UGT2B7: variants seen among roughly 807,000 people sequenced by gnomAD.
UGT2B7 encodes UDP glucuronosyltransferase family 2 member B7.
In UGT2B7, 51 loss-of-function variants were observed where a neutral mutation model predicts 51.9. That is an observed-to-expected ratio of 0.98 (90% CI 0.78 to 1.24). UGT2B7 has a LOEUF of 1.24. Among genes scored for constraint, UGT2B7 ranks in the 50% most tolerant of loss-of-function variants. UGT2B7 has a pLI of 0.00. For synonymous variants in UGT2B7, 225 were observed against 211.6 expected, an observed-to-expected ratio of 1.06 and a Z score of -0.55; for missense variants, 727 against 628.4, an observed-to-expected ratio of 1.16 and a Z score of -1.68.
At chr4:69,077,104 T>C (rs1307992974) in intron 1 of UGT2B7, among the ~76,000 whole-genome samples, 1 of 152,170 alleles carries the variant, frequency 6.6e-6, no homozygotes, top group East Asian at 1.9e-4. Context: ...TGTGTGGTGT[T>C]ATTTCTGAGG....
At chr4:69,106,294 C>T (rs1719598116) in intron 3 of UGT2B7, among the ~76,000 whole-genome samples, 1 of 152,020 alleles carries the variant, frequency 6.6e-6, no homozygotes, top group African/African-American at 2.4e-5. Context: ...TTGTTCCTGT[C>T]TATTTGTCCA....
chr4:69,064,027 A>AGAAAGAAAGAAAGAAG (rs1718416928), intron 1 of UGT2B7, among the ~76,000 whole-genome samples: 1 of 59,110 alleles, frequency 1.7e-5, no homozygotes, highest in African/African-American at 9.8e-5. Context: ...TGGGAAAGAA[A>AGAAAGAAAGAAAGAAG]GAAAGAAAGA....
At chr4:69,108,049 G>T in intron 4 of UGT2B7, 54 bp from the exon 5 acceptor site, 1 of 1,578,772 alleles carries the variant, frequency 6.3e-7, no homozygotes. Flanking sequence ...GCCTTTCATT[G>T]TGCATCTCAT....
At chr4:69,090,732 C>G (rs73823855) in intron 2 of UGT2B7, among the ~76,000 whole-genome samples, 1 of 152,022 alleles carries the variant, frequency 6.6e-6, no homozygotes, top group Non-Finnish European at 1.5e-5. Flanking sequence ...CCATTATGAT[C>G]GCCTGTTTTG....
chr4:69,065,826 T>A (rs1718471851), intron 1 of UGT2B7, among the ~76,000 whole-genome samples: 1 of 152,162 alleles, frequency 6.6e-6, no homozygotes, highest in South Asian at 2.1e-4. Flanking sequence ...AGTAAATACA[T>A]TAATAAAAAT....
chr4:69,052,707 T>C (rs1383790112), intron 1 of UGT2B7, among the ~76,000 whole-genome samples: 1 of 116,026 alleles, frequency 8.6e-6, no homozygotes, highest in African/African-American at 3.7e-5. Flanking sequence ...TTGAGACATG[T>C]TGAAGAATTG....
chr4:69,069,866 G>A (rs72501227), intron 1 of UGT2B7: 65,190 of 151,840 alleles, frequency 0.43, 15,546 homozygotes, highest in African/African-American at 0.64. Flanking sequence ...TTGTTAAGGC[G>A]AGAAAGAAAG....
chr4:69,083,324 T>C (rs1309933455), intron 1 of UGT2B7, among the ~76,000 whole-genome samples: 16 of 152,114 alleles, frequency 1.1e-4, no homozygotes, highest in African/African-American at 3.6e-4. Context: ...CATTTTATAA[T>C]GCTATTGTTG....
At chr4:69,062,579 C>A (rs1718372138) in intron 1 of UGT2B7, among the ~76,000 whole-genome samples, 1 of 152,178 alleles carries the variant, frequency 6.6e-6, no homozygotes. Flanking sequence ...CCACCACAGT[C>A]AGCTGAAATT....
chr4:69,056,334 A>G (rs1225739354), intron 1 of UGT2B7, among the ~76,000 whole-genome samples: 4 of 152,338 alleles, frequency 2.6e-5, no homozygotes, highest in Middle Eastern at 3.4e-3. Context: ...AGAAATTATT[A>G]CTAATAAAAC....
chr4:69,096,452 T>A (rs932778092), upstream of UGT2B7: 8 of 1,596,034 alleles, frequency 5.0e-6, no homozygotes, highest in Admixed American at 1.5e-4. Flanking sequence ...CTAATTTATC[T>A]TTGGACATAA....
intron 1 of UGT2B7, among the ~76,000 whole-genome samples, chr4:69,072,984 G>A (rs1718631589): frequency 6.6e-6 from 1 of 152,196 alleles, no homozygotes. Context: ...GTGGGGGAAT[G>A]TAGAGGTTCT....
At position 69,096,491 on chromosome 4, in the gene UGT2B7, A is replaced by G; in HGVS notation, c.-30A>G. 6.2e-7 allele frequency: 1 copy of G among 1,611,364 alleles called. No individual in the cohort carries two copies. Among genetic ancestry groups the G allele is most frequent in the Non-Finnish European group, 8.5e-7 (1 of 1,179,184 alleles). Reference sequence around the variant, plus strand: ...TGAGAAATGACAGAAAGGAACAGCAACTGGAAAACAAGCATTGCATTGCAC... The same window carrying G: ...TGAGAAATGACAGAAAGGAACAGCAGCTGGAAAACAAGCATTGCATTGCAC... On this transcript the variant is annotated 5_prime_UTR_variant, in exon 1 of 6. Coordinates refer to ENST00000305231, the MANE Select transcript of UGT2B7 (RefSeq NM_001074.4).
chr4:69,051,521 T>C (rs1718014685), exon 1 of UGT2B7: 1 of 152,330 alleles, frequency 6.6e-6, no homozygotes, highest in Admixed American at 6.5e-5. Flanking sequence ...GAGAAGCAGG[T>C]AGCAGGCCCT....
At chr4:69,065,687 C>T (rs957323485) in intron 1 of UGT2B7, among the ~76,000 whole-genome samples, 4 of 151,982 alleles carry the variant, frequency 2.6e-5, no homozygotes, top group East Asian at 3.9e-4. Context: ...CATAGATTTG[C>T]TTTTTTAGTA....
At chr4:69,084,198 C>A (rs762236951) in intron 1 of UGT2B7, among the ~76,000 whole-genome samples, 1 of 151,940 alleles carries the variant, frequency 6.6e-6, no homozygotes, top group African/African-American at 2.4e-5. Flanking sequence ...ATATGCTTAA[C>A]CTTCTCTGTA....
intron 1 of UGT2B7, among the ~76,000 whole-genome samples, chr4:69,064,552 T>G (rs968104595): frequency 6.6e-6 from 1 of 152,300 alleles, no homozygotes; most frequent in Non-Finnish European, 1.5e-5. Flanking sequence ...AACAGTCATG[T>G]GTAATCCCGA....
chr4:69,108,272 G>A lies in UGT2B7; in HGVS notation c.1260G>A (p.Met420Ile), dbSNP rs1375741445. The A allele has an allele frequency of 4.3e-6, 7 of 1,613,608 alleles. No individual in the cohort carries two copies. The highest frequency in any genetic ancestry group is 5.9e-6 in the Non-Finnish European group (7 of 1,179,638). Residue 420 changes from methionine (M) to isoleucine (I), a missense_variant, in exon 5 of 6, where the codon ATG becomes ATA. Met to Ile is a conservative substitution (Grantham distance 10). Transcript: ENST00000305231. ...GAAVRVDFNT[M>I]SSTDLLNALK... ...CTGTTAGAGTGGACTTCAACACAAT[G>A]TCGAGTACAGACTTGCTGAATGCAT...
intron 1 of UGT2B7, among the ~76,000 whole-genome samples, chr4:69,061,513 G>A (rs949632080): frequency 4.6e-5 from 7 of 152,140 alleles, no homozygotes; most frequent in Admixed American, 4.6e-4. Flanking sequence ...GGGACCCCAA[G>A]CTACACTCCA....
Sources: gnomAD v4.1 joint callset for allele counts (sites outside exome capture counted in the v4.1 genomes callset) on GRCh38, gnomAD v4.1.1 for gene constraint, MANE v1.5 for transcripts, NCBI Gene and HGNC (gene_info 2026-07-23, HGNC 2026-07-21) for gene names.